Variants in COL27A1 observed in about 807,000 individuals in gnomAD.
COL27A1 encodes the protein collagen type XXVII alpha 1 chain.
Under a neutral mutation model 251.3 loss-of-function variants are expected in COL27A1, and 106 were observed. The observed-to-expected ratio is 0.42, with a 90% CI of 0.36 to 0.50. The LOEUF is 0.50. Ranked by LOEUF, COL27A1 falls within the 20% of genes least tolerant of loss-of-function variation. The probability of loss-of-function intolerance (pLI) is 0.00; values close to 1 mark genes in which losing one functional copy is unlikely to be tolerated. For missense variants in COL27A1, 2,325 were observed against 2,522.8 expected (o/e 0.92, Z 1.68); for synonymous variants, 1,000 against 986.3 (o/e 1.01, Z -0.26).
chr9:114,185,083 A>G (rs1366495208), intron 5 of COL27A1, among the ~76,000 whole-genome samples: 1 of 152,068 alleles, frequency 6.6e-6, no homozygotes, highest in Non-Finnish European at 1.5e-5. Context: ...GCCCACCCCA[A>G]TCTTGCTAAC....
chr9:114,289,397 G>C, intron 45 of COL27A1, 102 bp downstream of exon 45: 3 of 1,193,292 alleles, frequency 2.5e-6, no homozygotes, highest in Non-Finnish European at 3.5e-6. Context: ...GAGGCTGCGA[G>C]GCAGGGTAGG....
At chr9:114,231,957 C>T (rs1421533210) in intron 16 of COL27A1, 91 bp downstream of exon 16, 1 of 1,168,466 alleles carries the variant, frequency 8.6e-7, no homozygotes, top group Non-Finnish European at 1.3e-6. Context: ...TCGCCAGGTC[C>T]ACTCCCCTGC....
chr9:114,156,343 G>C (rs1042536415), intron 1 of COL27A1, among the ~76,000 whole-genome samples: 5 of 151,614 alleles, frequency 3.3e-5, no homozygotes, highest in African/African-American at 9.7e-5. Context: ...TGGATGCTTG[G>C]GGGAGGAGGG....
chr9:114,244,927 A>T (rs115814850), intron 23 of COL27A1, among the ~76,000 whole-genome samples: 1,683 of 152,210 alleles, frequency 0.011, 37 homozygotes, highest in African/African-American at 0.038. Flanking sequence ...AGGCCACCCA[A>T]TGTGAAAGTG....
At chr9:114,183,831 G>T (rs1844927058) in intron 5 of COL27A1, among the ~76,000 whole-genome samples, 2 of 152,128 alleles carry the variant, frequency 1.3e-5, no homozygotes, top group Admixed American at 6.6e-5. Flanking sequence ...AGTCTTCTTG[G>T]AATACTCGAA....
intron 23 of COL27A1, among the ~76,000 whole-genome samples, chr9:114,244,937 G>A (rs1236214527): frequency 6.6e-6 from 1 of 152,136 alleles, no homozygotes; most frequent in African/African-American, 2.4e-5. Flanking sequence ...ATGTGAAAGT[G>A]GGACAGAGCC....
In COL27A1 at chr9:114,183,171, G is replaced by A. The variant is rs1419372651; in HGVS notation, c.2016+96G>A. ...GGGGTGCCTGGTGGGAGGGCTTCAG[G>A]GGAACTGAGGGGGATTCCCGCCTAA... On this transcript the variant is annotated intron_variant, in intron 5 of 60. Transcript: ENST00000356083. 3.3e-6 allele frequency: 4 copies of A among 1,197,930 alleles called. No homozygotes were observed. In the African/African-American group the frequency reaches 4.5e-5, roughly 14 times the overall value. 74.2% of individuals were successfully genotyped at this position (1,197,930 alleles called of 1,614,324 possible).
chr9:114,243,886 G>A lies in COL27A1; in HGVS notation c.2934+326G>A, dbSNP rs184692072. ...AGGGAATGCTCAAGTGTGAGCCTGT[G>A]GCAGGGGCTGGGTTGCACCGTTTCT... is the stretch of plus-strand genomic sequence containing the variant. On this transcript the variant is annotated intron_variant, in intron 23 of 60. Coordinates refer to ENST00000356083, the MANE Select transcript of COL27A1 (RefSeq NM_032888.4). 2.1e-3 allele frequency among the ~76,000 whole-genome samples: 314 copies of A among 150,824 alleles called. 2 individuals carry two copies. The highest frequency in any genetic ancestry group is 6.8e-3 in the Middle Eastern group (2 of 294).
intron 51 of COL27A1, 143 bp downstream of exon 51, chr9:114,300,830 T>A: frequency 1.3e-6 from 1 of 763,794 alleles, no homozygotes; most frequent in Non-Finnish European, 2.0e-6. Flanking sequence ...CCACCTTCAC[T>A]CCTGCCGTTC....
At position 114,265,460 on chromosome 9, in the gene COL27A1, C is replaced by A. The variant is rs748408416; in HGVS notation, c.3378C>A (p.Gly1126=). Residue 1126 remains glycine (G), a synonymous_variant, in exon 32 of 61, where the codon GGC becomes GGA. Coordinates refer to ENST00000356083, the MANE Select transcript of COL27A1 (RefSeq NM_032888.4). ...PGPSGPPGTK[G]LPGEPGPQGP... ...CCTCAGGCCCCCCAGGCACCAAGGG[C>A]CTCCCAGGAGAACCGGTAAGAGCCC... 3.7e-6 allele frequency: 6 copies of A among 1,613,928 alleles called. No homozygotes were observed. In the South Asian group the frequency reaches 6.6e-5, roughly 18 times the overall value.
intron 1 of COL27A1, 132 bp downstream of exon 1, chr9:114,156,144 G>A: frequency 1.6e-6 from 2 of 1,250,074 alleles, no homozygotes; most frequent in East Asian, 5.9e-5. Context: ...GCCCCCGCGA[G>A]GCGGGACGCC....
intron 28 of COL27A1, among the ~76,000 whole-genome samples, chr9:114,260,770 CTA>C (rs1834262533): frequency 6.6e-6 from 1 of 152,172 alleles, no homozygotes; most frequent in African/African-American, 2.4e-5. Context: ...TCAGATGGGC[CTA>C]CGGCAAGTCT....
intron 24 of COL27A1, 121 bp downstream of exon 24, chr9:114,246,031 G>T: frequency 1.2e-6 from 1 of 830,530 alleles, no homozygotes; most frequent in Non-Finnish European, 2.0e-6. Context: ...AACTCCAGAG[G>T]TAGGTTCAGT....
intron 17 of COL27A1, 47 bp from the exon 18 acceptor site, chr9:114,236,934 C>G (rs1465133458): frequency 6.3e-7 from 1 of 1,590,934 alleles, no homozygotes; most frequent in African/African-American, 1.3e-5. Flanking sequence ...GTTCACCTGG[C>G]CATTTCTCTT....
chr9:114,287,003 C>T (rs62555445), intron 41 of COL27A1, among the ~76,000 whole-genome samples: 6,839 of 152,242 alleles, frequency 0.045, 221 homozygotes, highest in Admixed American at 0.069. Context: ...TCCCCAAAGC[C>T]GTCAAGTCCA....
chr9:114,239,208 G>GGA (rs1832596007), intron 19 of COL27A1, among the ~76,000 whole-genome samples: 1 of 152,202 alleles, frequency 6.6e-6, no homozygotes, highest in African/African-American at 2.4e-5. Flanking sequence ...CTCATCAGTG[G>GGA]GTTATATGCA....
intron 24 of COL27A1, among the ~76,000 whole-genome samples, 164 bp from the exon 25 acceptor site, chr9:114,250,451 G>A (rs1014082067): frequency 5.9e-5 from 9 of 152,228 alleles, no homozygotes; most frequent in South Asian, 2.1e-4. Context: ...AAGTCAGAAC[G>A]GTGCCCAGAG....
chr9:114,206,363 G>T (rs1358099612), intron 10 of COL27A1, 67 bp downstream of exon 10: 13 of 1,513,438 alleles, frequency 8.6e-6, no homozygotes, highest in African/African-American at 1.4e-5. Flanking sequence ...CCCTCCAGTG[G>T]GCTTGATGGG....
chr9:114,282,678 T>C (rs1835997796), intron 39 of COL27A1, 114 bp downstream of exon 39: 1 of 664,676 alleles, frequency 1.5e-6, no homozygotes, highest in South Asian at 2.2e-5. Flanking sequence ...AGCTATTAGC[T>C]GAACACCTGG....
Sources: gnomAD v4.1 joint callset for allele counts (sites outside exome capture counted in the v4.1 genomes callset) on GRCh38, gnomAD v4.1.1 for gene constraint, MANE v1.5 for transcripts, NCBI Gene and HGNC (gene_info 2026-07-23, HGNC 2026-07-21) for gene names.